USP34: variants seen among roughly 807,000 people sequenced by gnomAD.
USP34 encodes the protein ubiquitin carboxyl-terminal hydrolase 34.
In USP34, 70 loss-of-function variants were observed where a neutral mutation model predicts 460.3. The ratio of observed to expected loss-of-function variants is 0.15; its 90% confidence interval spans 0.13 to 0.19. The LOEUF is 0.19. USP34 is among the 10% of genes least tolerant of loss of function. USP34 has a pLI of 1.00. For missense variants in USP34, 3,985 were observed against 4,236.2 expected, an observed-to-expected ratio of 0.94 and a Z score of 1.65; for synonymous variants, 1,647 against 1,405.3, an observed-to-expected ratio of 1.17 and a Z score of -3.85.
chr2:61,401,163 A>AAT (rs1553383486), intron 3 of USP34, among the ~76,000 whole-genome samples: 10 of 151,612 alleles, frequency 6.6e-5, no homozygotes, highest in Non-Finnish European at 1.2e-4. Context: ...AAAAAAAAAA[A>AAT]AAAAAATTAA....
At chr2:61,469,056 A>T (rs569448678) in intron 1 of USP34, among the ~76,000 whole-genome samples, 5 of 152,190 alleles carry the variant, frequency 3.3e-5, no homozygotes, top group East Asian at 3.9e-4. Flanking sequence ...AAAATACAAA[A>T]ATCAGCCGGG....
chr2:61,358,241 A>C (rs889573690), intron 10 of USP34, among the ~76,000 whole-genome samples: 3 of 149,578 alleles, frequency 2.0e-5, no homozygotes, highest in Admixed American at 1.3e-4. Flanking sequence ...AATAGAGAAA[A>C]CTAACAAAAC....
Position 61,383,271 on chromosome 2 carries a change from A to T in USP34, c.819T>A (p.Ile273=). The change falls in exon 6 of 80, where the codon ATT becomes ATA. Residue 273 remains isoleucine, a splice_region_variant and synonymous_variant. Coordinates refer to ENST00000398571, the MANE Select transcript of USP34 (RefSeq NM_014709.4). The part of the protein sequence containing the change: ...QHIIPFRTYV[I]RYLCKLSDQE... ...GTAAAGAAATTTTATAAACTTACCT[A>T]ATAACATAGGTCCTAAAAGGTATAA... 1 of 1,593,770 alleles carries T rather than the reference A, an allele frequency of 6.3e-7. No homozygotes were observed. The highest frequency in any genetic ancestry group is 8.5e-7 in the Non-Finnish European group (1 of 1,170,030).
Position 61,214,526 on chromosome 2 carries a change from T to C in USP34, c.8216A>G (p.Lys2739Arg). 7 of 1,613,558 alleles carry C rather than the reference T, an allele frequency of 4.3e-6. No homozygotes were observed. The highest frequency in any genetic ancestry group is 5.9e-6 in the Non-Finnish European group (7 of 1,179,810). The change falls in exon 68 of 80, where the codon AAA (lysine) becomes AGA (arginine). Residue 2739 changes from lysine to arginine, a missense_variant. By Grantham distance (26) the Lys-to-Arg change is conservative. Transcript: ENST00000398571. ...NVLLGLLSRA[K>R]LYVDAAVHGT... is the part of the protein sequence containing the mutation. ...ATGAACAGCAGCATCAACATAAAGT[T>C]TGGCTCTTGAGAGCAAACCAAGGAG...
chr2:61,241,205 G>C (rs371729913), intron 53 of USP34, among the ~76,000 whole-genome samples: 2 of 151,812 alleles, frequency 1.3e-5, no homozygotes, highest in African/African-American at 4.8e-5. Context: ...CACCACGCTC[G>C]GCTACTTTTT....
rs76448427 is a variant in USP34, at chr2:61,350,345, G to A, written c.1422C>T (p.Asn474=). The part of the protein sequence containing the change: ...ASMLIKALWN[N]ALAAKAQLSK... ...ATAACTGAGCCTTAGCTGCTAGTGC[G>A]TTATTCCACAGTGCTTTAATTAACA... Residue 474 remains asparagine (N), a synonymous_variant, in exon 12 of 80, where the codon AAC becomes AAT. Transcript: ENST00000398571. The A allele has an allele frequency of 2.0e-4, 320 of 1,613,658 alleles. No homozygotes were observed. The African/African-American group carries it at 3.1e-3, about 16-fold the overall frequency.
Position 61,406,035 on chromosome 2 carries a change from T to A in USP34, c.225A>T (p.Gln75His). The A allele has an allele frequency of 1.2e-6, 2 of 1,613,854 alleles. No homozygotes were observed. The highest frequency in any genetic ancestry group is 2.2e-5 in the South Asian group (2 of 91,066). Reference sequence around the variant, plus strand: ...GTTTACAAAGCTGGTCCCGGAGCACTTGAACTTGGGCAATCACTAAGTTAA... The same window carrying A: ...GTTTACAAAGCTGGTCCCGGAGCACATGAACTTGGGCAATCACTAAGTTAA... The part of the protein sequence containing the change: ...ALINLVIAQV[Q>H]VLRDQLCKHC... Residue 75 changes from glutamine to histidine, a missense_variant, in exon 3 of 80, where the codon CAA becomes CAT. By Grantham distance (24) the Gln-to-His change is conservative. Transcript: ENST00000398571.
intron 10 of USP34, among the ~76,000 whole-genome samples, chr2:61,365,924 A>G (rs995567379): frequency 2.2e-5 from 3 of 135,316 alleles, no homozygotes; most frequent in Non-Finnish European, 4.9e-5. Context: ...TTTCTGAAAG[A>G]CTAAAATGAC....
chr2:61,205,491 C>T lies in USP34; in HGVS notation c.9154+526G>A, dbSNP rs185473345. 5.6e-4 allele frequency among the ~76,000 whole-genome samples: 85 copies of T among 152,008 alleles called. No homozygotes were observed. The East Asian group carries it at 0.014, about 26-fold the overall frequency. On this transcript the variant is annotated intron_variant, in intron 72 of 79. Coordinates refer to ENST00000398571, the MANE Select transcript of USP34 (RefSeq NM_014709.4). ...ATTTTGAGAAAGTGTAAAATAGTTA[C>T]GGTCTCTCGAGAAGTTTCTAATGTA... is the stretch of plus-strand genomic sequence containing the variant.
rs538398753 is a variant in USP34, at chr2:61,463,079, G to A, written c.43+7571C>T. On this transcript the variant is annotated intron_variant, in intron 1 of 79. Coordinates refer to ENST00000398571, the MANE Select transcript of USP34 (RefSeq NM_014709.4). ...TTTAGATTAAATGTCTACTGAAAAAGTTATGTTACTAATTGATTTCGTACC... is the reference window on the plus strand; with the variant it reads ...TTTAGATTAAATGTCTACTGAAAAAATTATGTTACTAATTGATTTCGTACC... Among the ~76,000 whole-genome samples the A allele has an allele frequency of 9.2e-5, 14 of 152,264 alleles. No individual in the cohort carries two copies. In the East Asian group the frequency reaches 2.5e-3, roughly 27 times the overall value.
intron 27 of USP34, among the ~76,000 whole-genome samples, chr2:61,307,886 A>G (rs1690462767): frequency 6.6e-6 from 1 of 151,918 alleles, no homozygotes; most frequent in Admixed American, 6.6e-5. Flanking sequence ...CTGTCTCTAC[A>G]AAAAATACAA....
At chr2:61,453,534 A>AC (rs1245161748) in intron 1 of USP34, among the ~76,000 whole-genome samples, 6 of 151,604 alleles carry the variant, frequency 4.0e-5, no homozygotes, top group Admixed American at 1.3e-4. Context: ...ATATGGTGAA[A>AC]CCCCATCTCT....
chr2:61,460,777 G>A (rs1245789968), intron 1 of USP34, among the ~76,000 whole-genome samples: 1 of 152,066 alleles, frequency 6.6e-6, no homozygotes, highest in Non-Finnish European at 1.5e-5. Flanking sequence ...GAGTTCAGGA[G>A]ATCGAGACCA....
At chr2:61,340,115 CTAAGTGTGAA>C (rs138811951) in intron 16 of USP34, among the ~76,000 whole-genome samples, 1,812 of 152,118 alleles carry the variant, frequency 0.012, 40 homozygotes, top group African/African-American at 0.041. Context: ...ATACTTGAAA[CTAAGTGTGAA>C]TAAGACAACA....
chr2:61,318,378 A>G (rs574073619), intron 22 of USP34, among the ~76,000 whole-genome samples: 1 of 152,268 alleles, frequency 6.6e-6, no homozygotes, highest in South Asian at 2.1e-4. Context: ...AGGTATAGCT[A>G]CAAGTACAGT....
rs536781783 is a variant in USP34, at chr2:61,323,452, T to A, written c.3013+1923A>T. Among the ~76,000 whole-genome samples, 17 of 150,868 alleles carry A rather than the reference T, an allele frequency of 1.1e-4. No homozygotes were observed. In the East Asian group the frequency reaches 2.5e-3, roughly 23 times the overall value. On this transcript the variant is annotated intron_variant, in intron 21 of 79. Coordinates refer to ENST00000398571, the MANE Select transcript of USP34 (RefSeq NM_014709.4). Reference sequence around the variant, plus strand: ...ATGGCGTGAACCTGGGAGGCAGAGCTTGCAGGGAGCCGAGATTGTGCCACT... The same window carrying A: ...ATGGCGTGAACCTGGGAGGCAGAGCATGCAGGGAGCCGAGATTGTGCCACT...
chr2:61,453,011 T>C (rs565845776), intron 1 of USP34, among the ~76,000 whole-genome samples: 55 of 150,912 alleles, frequency 3.6e-4, no homozygotes, highest in African/African-American at 1.0e-3. Context: ...TTCTTAAAAA[T>C]AGAATATCTA....
intron 76 of USP34, among the ~76,000 whole-genome samples, chr2:61,192,442 G>A (rs936485756): frequency 6.6e-6 from 1 of 152,154 alleles, no homozygotes; most frequent in African/African-American, 2.4e-5. Flanking sequence ...ATCGCTGTAA[G>A]AAAACAAGTG....
In USP34 at chr2:61,386,224, G is replaced by T. The variant is rs187276021; in HGVS notation, c.754-2888C>A. 1.4e-4 allele frequency among the ~76,000 whole-genome samples: 21 copies of T among 152,212 alleles called. No individual in the cohort carries two copies. In the East Asian group the frequency reaches 3.3e-3, roughly 24 times the overall value. On this transcript the variant is annotated intron_variant, in intron 5 of 79. Coordinates refer to ENST00000398571, the MANE Select transcript of USP34 (RefSeq NM_014709.4). ...GTCACCTGTAACCAATACTTTTGGA[G>T]GCCAAGATGGAAGGATCACTTCAGG...
Sources: gnomAD v4.1 joint callset for allele counts (sites outside exome capture counted in the v4.1 genomes callset) on GRCh38, gnomAD v4.1.1 for gene constraint, MANE v1.5 for transcripts, NCBI Gene and HGNC (gene_info 2026-07-23, HGNC 2026-07-21) for gene names.